The following NUP37 variants were observed in gnomAD, a reference collection of about 807,000 sequenced individuals.
NUP37 encodes the protein nucleoporin 37.
In NUP37, 33 loss-of-function variants were observed where a neutral mutation model predicts 45.4. That is an observed-to-expected ratio of 0.73 (90% CI 0.55 to 0.97). The LOEUF is 0.97. Ranked by LOEUF, NUP37 falls within the 50% of genes least tolerant of loss-of-function variation. NUP37 has a pLI of 0.00. For synonymous variants in NUP37, 127 were observed against 130.7 expected (o/e 0.97, Z 0.19); for missense variants, 365 against 389.7 (o/e 0.94, Z 0.53).
intron 2 of NUP37, among the ~76,000 whole-genome samples, chr12:102,118,091 T>C (rs1182626729): frequency 1.3e-5 from 2 of 152,250 alleles, no homozygotes; most frequent in African/African-American, 4.8e-5. Flanking sequence ...TACATACCAA[T>C]GTTCAGTTAA....
At chr12:102,075,196 GAC>G in intron 8 of NUP37, 102 bp from the exon 9 acceptor site, 1 of 703,544 alleles carries the variant, frequency 1.4e-6, no homozygotes, top group Non-Finnish European at 2.3e-6. Context: ...TTTTTTAAGA[GAC>G]AGGGTCTTGC....
chr12:102,077,602 A>G, intron 6 of NUP37, 99 bp from the exon 7 acceptor site: 1 of 1,169,666 alleles, frequency 8.5e-7, no homozygotes, highest in Non-Finnish European at 1.2e-6. Context: ...AAATGTAAAC[A>G]TTTGCAATAT....
intron 4 of NUP37, 149 bp from the exon 5 acceptor site, chr12:102,099,349 A>G: frequency 3.1e-6 from 2 of 636,568 alleles, no homozygotes; most frequent in Non-Finnish European, 5.6e-6. Flanking sequence ...TTTTTAAAGC[A>G]CGATTTATAC....
At chr12:102,118,313 T>C in intron 2 of NUP37, 50 bp downstream of exon 2, 1 of 1,528,418 alleles carries the variant, frequency 6.5e-7, no homozygotes, top group Admixed American at 2.1e-5. Context: ...GTAAGTTCTC[T>C]TAGTAGTGAA....
At position 102,085,783 on chromosome 12, in the gene NUP37, G is replaced by C. The variant is rs752676161; in HGVS notation, c.523C>G (p.Pro175Ala). The change falls in exon 6 of 10, where the codon CCT becomes GCT. Residue 175 changes from proline to alanine, a missense_variant. Coordinates refer to ENST00000552283, the MANE Select transcript of NUP37 (RefSeq NM_024057.4). ...HSPGMSVCWH[P>A]EETFKLMVAE... is the part of the protein sequence containing the mutation. ...ATAATAACCTTAAAAGTCTCCTCAG[G>C]ATGCCAGCACACACTCATGCCAGGA... 1 of 1,575,326 alleles carries C rather than the reference G, an allele frequency of 6.3e-7. No homozygotes were observed. The highest frequency in any genetic ancestry group is 2.2e-5 in the East Asian group (1 of 44,498).
In NUP37 at chr12:102,118,593, A is replaced by G; in HGVS notation, c.-65-10T>C. ...GGACAAGGTCACGAAACTGTGGATT[A>G]GAGCACAGGTACAATTACAATGGTC... is the stretch of plus-strand genomic sequence containing the variant. On this transcript the variant is annotated splice_polypyrimidine_tract_variant and intron_variant, in intron 1 of 9. Coordinates refer to ENST00000552283, the MANE Select transcript of NUP37 (RefSeq NM_024057.4). The G allele has an allele frequency of 1.2e-5, 16 of 1,326,526 alleles. No individual in the cohort carries two copies. The highest frequency in any genetic ancestry group is 1.7e-5 in the Non-Finnish European group (16 of 954,172). The allele number at this position is 1,326,526 out of a possible 1,614,324, so 82.2% of individuals were successfully genotyped here.
At position 102,073,638 on chromosome 12, in the gene NUP37, T is replaced by C. The variant is rs1879090728; in HGVS notation, c.*716A>G. 6.6e-6 allele frequency: 1 copy of C among 152,160 alleles called. No individual in the cohort carries two copies. The highest frequency in any genetic ancestry group is 2.4e-5 in the African/African-American group (1 of 41,444). The allele number at this position is 152,160 out of a possible 1,614,324, so 9.4% of individuals were successfully genotyped here. On this transcript the variant is annotated 3_prime_UTR_variant, in exon 10 of 10. Transcript: ENST00000552283. ...ATTAAATTGAGTACACATACACATA[T>C]ATATACTCAACAACCACTTCCAGAA...
At chr12:102,087,949 T>G (rs1310900584) in intron 5 of NUP37, among the ~76,000 whole-genome samples, 2 of 152,220 alleles carry the variant, frequency 1.3e-5, no homozygotes, top group Non-Finnish European at 2.9e-5. Flanking sequence ...TTAACCAGTA[T>G]TTTATCCTGA....
intron 2 of NUP37, chr12:102,115,705 G>T: frequency 2.5e-6 from 1 of 394,606 alleles, no homozygotes; most frequent in Non-Finnish European, 3.4e-6. Context: ...ATGCTTTATT[G>T]AAATTCAAAT....
intron 3 of NUP37, among the ~76,000 whole-genome samples, chr12:102,110,500 C>G (rs535541982): frequency 6.8e-6 from 1 of 146,014 alleles, no homozygotes; most frequent in African/African-American, 2.5e-5. Flanking sequence ...AGAGTGAGAC[C>G]ATGTACCAAA....
chr12:102,109,600 G>C (rs985703328), intron 3 of NUP37, among the ~76,000 whole-genome samples: 5 of 152,060 alleles, frequency 3.3e-5, no homozygotes, highest in Non-Finnish European at 5.9e-5. Flanking sequence ...CCTTCAGGTT[G>C]CTCTAAAAAT....
intron 6 of NUP37, among the ~76,000 whole-genome samples, chr12:102,082,158 T>G (rs370755921): frequency 1.3e-5 from 2 of 152,236 alleles, no homozygotes; most frequent in South Asian, 2.1e-4. Context: ...GGGAGCTTAG[T>G]TTTTGGAGGT....
chr12:102,074,982 C>A lies in NUP37; in HGVS notation c.867+19G>T. The A allele has an allele frequency of 6.2e-6, 9 of 1,454,610 alleles. No homozygotes were observed. Among genetic ancestry groups the A allele is most frequent in the Admixed American group, 4.3e-5 (2 of 47,038 alleles). The allele number at this position is 1,454,610 out of a possible 1,614,324, so 90.1% of individuals were successfully genotyped here. A position where few individuals can be genotyped will look rare whatever the true frequency, so the allele number is the denominator to read the frequency against. On this transcript the variant is annotated intron_variant, in intron 9 of 9. Coordinates refer to ENST00000552283, the MANE Select transcript of NUP37 (RefSeq NM_024057.4). ...AAAAAAAAAAAAAGCACGTATGTTA[C>A]AAAACATTTCCACATTACCTGAGGG...
At chr12:102,117,467 A>C (rs980293210) in intron 2 of NUP37, among the ~76,000 whole-genome samples, 5 of 152,132 alleles carry the variant, frequency 3.3e-5, no homozygotes, top group South Asian at 2.1e-4. Flanking sequence ...AATAATAATA[A>C]TACTCTGATA....
At chr12:102,105,861 C>CAAAAAAAAAAAAAAAAAAAAAAAAAAA (rs759252411) in intron 3 of NUP37, among the ~76,000 whole-genome samples, 1 of 73,704 alleles carries the variant, frequency 1.4e-5, no homozygotes. Context: ...GACTCCCTCT[C>CAAAAAAAAAAAAAAAAAAAAAAAAAAA]AAAAAAAAAA....
At chr12:102,082,932 A>G (rs1050611987) in intron 6 of NUP37, among the ~76,000 whole-genome samples, 1 of 152,222 alleles carries the variant, frequency 6.6e-6, no homozygotes, top group Non-Finnish European at 1.5e-5. Flanking sequence ...GTGTATAGGG[A>G]AAGAAGAATT....
intron 8 of NUP37, among the ~76,000 whole-genome samples, 161 bp downstream of exon 8, chr12:102,076,636 G>C (rs1460001940): frequency 6.6e-6 from 1 of 151,688 alleles, no homozygotes; most frequent in Non-Finnish European, 1.5e-5. Flanking sequence ...TAGACCAAAA[G>C]ACAAAGGCAA....
chr12:102,078,974 G>C (rs564546202), intron 6 of NUP37: 1 of 203,086 alleles, frequency 4.9e-6, no homozygotes, highest in Non-Finnish European at 1.0e-5. Flanking sequence ...TAAGGTATGA[G>C]ATTGCTACGA....
At position 102,114,276 on chromosome 12, in the gene NUP37, T is replaced by C. The variant is rs568382691; in HGVS notation, c.157-2044A>G. 9.2e-5 allele frequency among the ~76,000 whole-genome samples: 14 copies of C among 152,338 alleles called. No homozygotes were observed. The South Asian group carries it at 1.7e-3, about 18-fold the overall frequency. ...ACATCATCTTGCTACTGTAACAATA[T>C]TGTTGACAATCAAGTCCTTTAATTT... On this transcript the variant is annotated intron_variant, in intron 2 of 9. Transcript: ENST00000552283.
Sources: allele counts gnomAD v4.1 joint callset (sites outside exome capture counted in the v4.1 genomes callset), GRCh38; gene constraint gnomAD v4.1.1; transcripts MANE v1.5; gene names NCBI Gene and HGNC (gene_info 2026-07-23, HGNC 2026-07-21).